The following MARCHF6 variants were observed in gnomAD, a reference collection of about 807,000 sequenced individuals.
MARCHF6 encodes the protein E3 ubiquitin-protein ligase MARCHF6.
A neutral mutation model predicts 133.7 loss-of-function variants in MARCHF6; 31 were observed. The observed-to-expected ratio is 0.23, with a 90% CI of 0.17 to 0.31. The LOEUF is 0.31. Among genes scored for constraint, MARCHF6 ranks in the 10% least tolerant of loss-of-function variants. The probability of loss-of-function intolerance (pLI) is 1.00; values close to 1 mark genes in which losing one functional copy is unlikely to be tolerated. For synonymous variants in MARCHF6, 395 were observed against 402.5 expected (o/e 0.98, Z 0.22); for missense variants, 723 against 1,121.6 (o/e 0.64, Z 5.08).
At chr5:10,362,943 G>C (rs1363901134) in intron 1 of MARCHF6, among the ~76,000 whole-genome samples, 1 of 152,014 alleles carries the variant, frequency 6.6e-6, no homozygotes, top group Non-Finnish European at 1.5e-5. Flanking sequence ...AAAATATAAA[G>C]GATATCGTTT....
chr5:10,399,762 A>G (rs1738412010), intron 10 of MARCHF6, among the ~76,000 whole-genome samples: 1 of 152,110 alleles, frequency 6.6e-6, no homozygotes, highest in Non-Finnish European at 1.5e-5. Context: ...TCCACATATT[A>G]CTTTTAGTTG....
At chr5:10,395,407 T>C (rs2126742859) in intron 9 of MARCHF6, among the ~76,000 whole-genome samples, 1 of 152,316 alleles carries the variant, frequency 6.6e-6, no homozygotes, top group South Asian at 2.1e-4. Flanking sequence ...CAAAGCAGTT[T>C]TCCCTATTTT....
At chr5:10,401,332 CTAGA>C (rs900624176) in intron 11 of MARCHF6, 4 of 154,424 alleles carry the variant, frequency 2.6e-5, no homozygotes, top group African/African-American at 9.7e-5. Context: ...TGTTGGGGCC[CTAGA>C]ACAATTTAGT....
At chr5:10,377,952 A>C in intron 2 of MARCHF6, 58 bp downstream of exon 2, 1 of 914,868 alleles carries the variant, frequency 1.1e-6, no homozygotes. Flanking sequence ...TCATGTATAC[A>C]GTAACAGGGA....
chr5:10,437,404 T>C lies in MARCHF6; in HGVS notation c.*3720T>C, dbSNP rs1740696590. 6.6e-6 allele frequency: 1 copy of C among 152,236 alleles called. No individual in the cohort carries two copies. The highest frequency in any genetic ancestry group is 6.5e-5 in the Admixed American group (1 of 15,292). The allele number at this position is 152,236 out of a possible 1,614,324, so 9.4% of individuals were successfully genotyped here. A position where few individuals can be genotyped will look rare whatever the true frequency, so the allele number is the denominator to read the frequency against. ...CGCTGACTTCCTTGGTTAAGCTGTCTTGTATTTACTTAATTTGTCCCCTCA... is the reference window on the plus strand; with the variant it reads ...CGCTGACTTCCTTGGTTAAGCTGTCCTGTATTTACTTAATTTGTCCCCTCA... On this transcript the variant is annotated 3_prime_UTR_variant, in exon 26 of 26. Transcript: ENST00000274140.
At chr5:10,356,084 CACTT>C (rs1735440169) in intron 1 of MARCHF6, among the ~76,000 whole-genome samples, 1 of 151,834 alleles carries the variant, frequency 6.6e-6, no homozygotes, top group Non-Finnish European at 1.5e-5. Flanking sequence ...GTTGAAATAA[CACTT>C]AAAGGAAAAG....
intron 1 of MARCHF6, among the ~76,000 whole-genome samples, chr5:10,367,787 A>G (rs1404214081): frequency 6.6e-6 from 1 of 152,064 alleles, no homozygotes; most frequent in Non-Finnish European, 1.5e-5. Flanking sequence ...AAAAACCACT[A>G]TTGTTTATTG....
chr5:10,425,480 C>G (rs1446691295), intron 23 of MARCHF6, among the ~76,000 whole-genome samples: 4 of 152,152 alleles, frequency 2.6e-5, no homozygotes, highest in Non-Finnish European at 5.9e-5. Flanking sequence ...GCGTGTGTGT[C>G]TCTGTAAATT....
In MARCHF6 at chr5:10,438,789, G is replaced by C. The variant is rs571991958; in HGVS notation, c.*5105G>C. The C allele has an allele frequency of 3.3e-5, 5 of 152,160 alleles. No individual in the cohort carries two copies. Among genetic ancestry groups the C allele is most frequent in the African/African-American group, 7.2e-5 (3 of 41,440 alleles). 9.4% of individuals were successfully genotyped at this position (152,160 alleles called of 1,614,324 possible). On this transcript the variant is annotated 3_prime_UTR_variant, in exon 26 of 26. Coordinates refer to ENST00000274140, the MANE Select transcript of MARCHF6 (RefSeq NM_005885.4). ...GGGGAACACAGAGAAAGGTTCACCCGGGAGAGATGGCCTAGCCACTTCCTT... is the reference window on the plus strand; with the variant it reads ...GGGGAACACAGAGAAAGGTTCACCCCGGAGAGATGGCCTAGCCACTTCCTT...
intron 15 of MARCHF6, 23 bp from the exon 16 acceptor site, chr5:10,405,535 T>C: frequency 6.4e-7 from 1 of 1,573,354 alleles, no homozygotes; most frequent in Non-Finnish European, 8.6e-7. Flanking sequence ...TGAATATTCA[T>C]AGTATTTAAA....
intron 13 of MARCHF6, 26 bp downstream of exon 13, chr5:10,402,478 G>A: frequency 6.2e-7 from 1 of 1,612,654 alleles, no homozygotes; most frequent in Non-Finnish European, 8.5e-7. Context: ...ACTTAAAATT[G>A]GAAATGATTT....
At chr5:10,375,035 C>T (rs1421585012) in intron 1 of MARCHF6, among the ~76,000 whole-genome samples, 1 of 152,262 alleles carries the variant, frequency 6.6e-6, no homozygotes, top group Non-Finnish European at 1.5e-5. Context: ...GGCGCCTCCT[C>T]TGCCTGGGCT....
At chr5:10,398,951 AG>A (rs1738352884) in intron 10 of MARCHF6, among the ~76,000 whole-genome samples, 1 of 152,128 alleles carries the variant, frequency 6.6e-6, no homozygotes, top group South Asian at 2.1e-4. Context: ...AGTTTTCTAC[AG>A]GCAGTTTTTT....
chr5:10,395,997 C>G (rs1233322162), intron 9 of MARCHF6, among the ~76,000 whole-genome samples: 1 of 152,180 alleles, frequency 6.6e-6, no homozygotes, highest in Non-Finnish European at 1.5e-5. Context: ...CCATCAGTTC[C>G]TCATAAATGA....
In MARCHF6 at chr5:10,381,912, T is replaced by C; in HGVS notation, c.303T>C (p.Phe101=). The C allele has an allele frequency of 6.2e-7, 1 of 1,613,520 alleles. No individual in the cohort carries two copies. The highest frequency in any genetic ancestry group is 8.5e-7 in the Non-Finnish European group (1 of 1,179,810). ...RYWFHYTLVA[F]AWLGVVPLTA... ...GGTTTCATTATACACTTGTGGCCTT[T>C]GCATGGTTGGGAGTTGTTCCTCTTA... Residue 101 remains phenylalanine, a synonymous_variant, in exon 4 of 26, where the codon TTT becomes TTC. Coordinates refer to ENST00000274140, the MANE Select transcript of MARCHF6 (RefSeq NM_005885.4).
chr5:10,369,480 C>G (rs578144702), intron 1 of MARCHF6, among the ~76,000 whole-genome samples: 7 of 151,798 alleles, frequency 4.6e-5, no homozygotes, highest in Non-Finnish European at 1.0e-4. Context: ...GAAGGCCTGT[C>G]GATTTCATTT....
intron 1 of MARCHF6, among the ~76,000 whole-genome samples, chr5:10,356,695 C>T (rs1427950033): frequency 2.0e-5 from 3 of 152,050 alleles, no homozygotes; most frequent in Admixed American, 6.6e-5. Flanking sequence ...CGTTCCTGGC[C>T]GGTTCTCTGT....
In MARCHF6 at chr5:10,436,842, G is replaced by A. The variant is rs1740674797; in HGVS notation, c.*3158G>A. 6.6e-6 allele frequency: 1 copy of A among 152,166 alleles called. No individual in the cohort carries two copies. Among genetic ancestry groups the A allele is most frequent in the African/African-American group, 2.4e-5 (1 of 41,428 alleles). The allele number at this position is 152,166 out of a possible 1,614,324, so 9.4% of individuals were successfully genotyped here. A position where few individuals can be genotyped will look rare whatever the true frequency, so the allele number is the denominator to read the frequency against. Reference sequence around the variant, plus strand: ...TACTCTGGAGAAACAATGAAGATGGGCCATCTCAATTCCAGATGTAAACAA... The same window carrying A: ...TACTCTGGAGAAACAATGAAGATGGACCATCTCAATTCCAGATGTAAACAA... On this transcript the variant is annotated 3_prime_UTR_variant, in exon 26 of 26. Transcript: ENST00000274140.
intron 1 of MARCHF6, among the ~76,000 whole-genome samples, chr5:10,367,460 T>C (rs1736203927): frequency 6.6e-6 from 1 of 152,198 alleles, no homozygotes; most frequent in African/African-American, 2.4e-5. Flanking sequence ...AAAAAATAAT[T>C]CTTTGTATAT....
Sources: allele counts gnomAD v4.1 joint callset (sites outside exome capture counted in the v4.1 genomes callset), GRCh38; gene constraint gnomAD v4.1.1; transcripts MANE v1.5; gene names NCBI Gene and HGNC (gene_info 2026-07-23, HGNC 2026-07-21).